Variants in PLD1 observed in about 807,000 individuals in gnomAD.
PLD1 encodes phospholipase D1, also known as choline phosphatase 1.
A neutral mutation model predicts 137.1 loss-of-function variants in PLD1; 112 were observed. The ratio of observed to expected loss-of-function variants is 0.82; its 90% confidence interval spans 0.70 to 0.96. The LOEUF (loss-of-function observed/expected upper bound fraction) is 0.96. Among genes scored for constraint, PLD1 ranks in the 40% least tolerant of loss-of-function variants. The probability of loss-of-function intolerance (pLI) is 0.00; values close to 1 mark genes in which losing one functional copy is unlikely to be tolerated. For missense variants in PLD1, 1,321 were observed against 1,342.0 expected (o/e 0.98, Z 0.24); for synonymous variants, 431 against 454.7 (o/e 0.95, Z 0.66).
At chr3:171,717,907 G>A (rs1285122681) in intron 8 of PLD1, among the ~76,000 whole-genome samples, 1 of 152,164 alleles carries the variant, frequency 6.6e-6, no homozygotes, top group Admixed American at 6.6e-5. Flanking sequence ...TTCCTTCAAT[G>A]TGTAGTTTAT....
intron 1 of PLD1, among the ~76,000 whole-genome samples, chr3:171,768,014 A>G (rs1227266539): frequency 1.2e-4 from 1 of 8,420 alleles, no homozygotes; most frequent in Admixed American, 2.1e-3. Context: ...TGTGTTCATT[A>G]TTATTATTAT....
At chr3:171,622,982 C>T (rs1013147427) in intron 23 of PLD1, among the ~76,000 whole-genome samples, 2 of 151,812 alleles carry the variant, frequency 1.3e-5, no homozygotes, top group African/African-American at 4.8e-5. Flanking sequence ...TAATGGTTCA[C>T]GTGCAAAACT....
intron 6 of PLD1, among the ~76,000 whole-genome samples, chr3:171,732,486 T>C (rs757725477): frequency 2.0e-5 from 3 of 151,856 alleles, no homozygotes; most frequent in Non-Finnish European, 2.9e-5. Flanking sequence ...CTCCAAACCA[T>C]GTGCTGCAAG....
At chr3:171,702,259 G>A (rs59383322) in intron 11 of PLD1, among the ~76,000 whole-genome samples, 34,647 of 152,074 alleles carry the variant, frequency 0.23, 4,231 homozygotes, top group Admixed American at 0.3. Flanking sequence ...GCTAAAATGG[G>A]AGGATTGCAT....
chr3:171,682,129 A>AAAGG (rs1459404988), intron 16 of PLD1, among the ~76,000 whole-genome samples: 14 of 96,050 alleles, frequency 1.5e-4, no homozygotes, highest in African/African-American at 6.7e-4. Flanking sequence ...AGAAAGAAAG[A>AAAGG]AAGAAAGAAA....
At chr3:171,623,783 TG>T (rs1380365460) in intron 23 of PLD1, among the ~76,000 whole-genome samples, 2 of 152,118 alleles carry the variant, frequency 1.3e-5, no homozygotes, top group East Asian at 3.9e-4. Flanking sequence ...ACAGCTCAAA[TG>T]ATAAGGACAA....
chr3:171,756,280 T>C (rs1721022257), intron 1 of PLD1, among the ~76,000 whole-genome samples: 2 of 152,212 alleles, frequency 1.3e-5, no homozygotes, highest in South Asian at 4.1e-4. Context: ...GCCCCAAATA[T>C]GATTTTGTAG....
Position 171,709,631 on chromosome 3 carries a change from A to G in PLD1, c.990T>C (p.His330=). The part of the protein sequence containing the change: ...GGAIEEFIQK[H]GTNFLKDHRF... ...GATGATCTTTGAGAAAGTTGGTGCC[A>G]TGTTTCTGGATGAATTCTTCTATAG... The change falls in exon 10 of 27, where the codon CAT becomes CAC. Residue 330 remains histidine (H), a synonymous_variant. Coordinates refer to ENST00000351298, the MANE Select transcript of PLD1 (RefSeq NM_002662.5). 6.2e-7 allele frequency: 1 copy of G among 1,613,978 alleles called. No homozygotes were observed. The highest frequency in any genetic ancestry group is 8.5e-7 in the Non-Finnish European group (1 of 1,179,830).
chr3:171,802,202 AC>A (rs1422569960), intron 1 of PLD1, among the ~76,000 whole-genome samples: 2 of 152,206 alleles, frequency 1.3e-5, no homozygotes, highest in African/African-American at 2.4e-5. Flanking sequence ...AGCACCTACT[AC>A]ATGTCAGGAA....
chr3:171,654,174 G>A, intron 21 of PLD1: 3 of 342,656 alleles, frequency 8.8e-6, no homozygotes, highest in Non-Finnish European at 1.8e-5. Context: ...GTGGTGGCGG[G>A]TGCCTGTAAT....
chr3:171,687,914 A>G (rs1021678244), intron 14 of PLD1, among the ~76,000 whole-genome samples: 1 of 152,218 alleles, frequency 6.6e-6, no homozygotes, highest in African/African-American at 2.4e-5. Flanking sequence ...AATAAACATT[A>G]AGTAAGCAAG....
chr3:171,776,030 C>A, intron 1 of PLD1, among the ~76,000 whole-genome samples: 1 of 152,138 alleles, frequency 6.6e-6, no homozygotes, highest in East Asian at 1.9e-4. Context: ...TGACTCCACA[C>A]CCTAAAATAA....
intron 25 of PLD1, among the ~76,000 whole-genome samples, chr3:171,605,667 A>G (rs1732148361): frequency 6.6e-6 from 1 of 152,226 alleles, no homozygotes; most frequent in Admixed American, 6.5e-5. Flanking sequence ...TTTAGAAGTG[A>G]TATTTGAAAA....
chr3:171,648,157 G>A (rs1736423686), intron 21 of PLD1, among the ~76,000 whole-genome samples: 2 of 152,058 alleles, frequency 1.3e-5, no homozygotes, highest in South Asian at 4.1e-4. Flanking sequence ...GAATAATACT[G>A]CTATAATACT....
At chr3:171,790,973 G>A (rs1723189828) in intron 1 of PLD1, among the ~76,000 whole-genome samples, 2 of 152,298 alleles carry the variant, frequency 1.3e-5, no homozygotes, top group Middle Eastern at 3.4e-3. Context: ...TACGTTATCA[G>A]GAATAGCTGT....
At chr3:171,635,531 CT>C (rs1735031244) in intron 23 of PLD1, among the ~76,000 whole-genome samples, 1 of 151,936 alleles carries the variant, frequency 6.6e-6, no homozygotes, top group East Asian at 1.9e-4. Flanking sequence ...ATTGAGTTTT[CT>C]TTTATGTACT....
At chr3:171,616,407 C>T (rs1733116278) in intron 24 of PLD1, among the ~76,000 whole-genome samples, 1 of 152,096 alleles carries the variant, frequency 6.6e-6, no homozygotes, top group Non-Finnish European at 1.5e-5. Context: ...CCAAAATGTC[C>T]GTGTTCAAAT....
intron 23 of PLD1, among the ~76,000 whole-genome samples, chr3:171,634,425 T>C (rs1734936139): frequency 6.6e-6 from 1 of 152,210 alleles, no homozygotes; most frequent in Non-Finnish European, 1.5e-5. Flanking sequence ...ATTTTATCGA[T>C]ATATCTTTTA....
At chr3:171,660,383 T>C (rs1011660624) in intron 20 of PLD1, among the ~76,000 whole-genome samples, 2 of 152,184 alleles carry the variant, frequency 1.3e-5, no homozygotes, top group African/African-American at 2.4e-5. Flanking sequence ...ATTCATATTA[T>C]AAAGAAGCTT....
Sources: gnomAD v4.1 joint callset for allele counts (sites outside exome capture counted in the v4.1 genomes callset) on GRCh38, gnomAD v4.1.1 for gene constraint, MANE v1.5 for transcripts, NCBI Gene and HGNC (gene_info 2026-07-23, HGNC 2026-07-21) for gene names.